RIMS2: variants seen among roughly 807,000 people sequenced by gnomAD.
RIMS2 encodes regulating synaptic membrane exocytosis 2.
RIMS2 carries 59 observed loss-of-function variants against 174.4 expected under a neutral mutation model. The ratio of observed to expected loss-of-function variants is 0.34; its 90% CI spans 0.27 to 0.42. The LOEUF is 0.42. Ranked by LOEUF, RIMS2 falls within the 10% of genes least tolerant of loss-of-function variation. The pLI is 1.00. For synonymous variants in RIMS2, 606 were observed against 572.5 expected, an observed-to-expected ratio of 1.06 and a Z score of -0.84; for missense variants, 1,620 against 1,666.3, an observed-to-expected ratio of 0.97 and a Z score of 0.48.
intron 1 of RIMS2, among the ~76,000 whole-genome samples, chr8:103,608,890 C>G (rs921819071): frequency 7.9e-5 from 12 of 152,236 alleles, no homozygotes; most frequent in African/African-American, 2.7e-4. Flanking sequence ...CGCCCACTGT[C>G]TGGCACTCCC....
chr8:103,882,068 G>A (rs936824348), intron 3 of RIMS2, among the ~76,000 whole-genome samples: 3 of 151,334 alleles, frequency 2.0e-5, no homozygotes, highest in Admixed American at 1.3e-4. Context: ...TAGACGAATC[G>A]TTCCTTTTCC....
intron 10 of RIMS2, among the ~76,000 whole-genome samples, chr8:103,922,529 T>A (rs1342130730): frequency 6.6e-6 from 1 of 151,852 alleles, no homozygotes. Flanking sequence ...ATTAGAAAAA[T>A]ACAGGTTAAT....
chr8:103,605,811 A>T (rs2095044197), intron 1 of RIMS2, among the ~76,000 whole-genome samples: 1 of 151,770 alleles, frequency 6.6e-6, no homozygotes, highest in Non-Finnish European at 1.5e-5. Context: ...GTATTCTCTG[A>T]TGGTAGTTTG....
chr8:104,201,673 G>A (rs992314959), intron 19 of RIMS2, among the ~76,000 whole-genome samples: 1 of 152,106 alleles, frequency 6.6e-6, no homozygotes, highest in African/African-American at 2.4e-5. Flanking sequence ...TGAGAAACAT[G>A]TTCACTTTTG....
At chr8:103,762,308 G>A (rs1275631377) in intron 2 of RIMS2, among the ~76,000 whole-genome samples, 1 of 151,930 alleles carries the variant, frequency 6.6e-6, no homozygotes, top group Non-Finnish European at 1.5e-5. Flanking sequence ...GTATTCTCAG[G>A]TTCTAGATGT....
At chr8:103,959,539 G>A (rs149837427) in intron 14 of RIMS2, among the ~76,000 whole-genome samples, 3 of 151,864 alleles carry the variant, frequency 2.0e-5, no homozygotes, top group African/African-American at 7.2e-5. Context: ...TAGTAGCTGG[G>A]ACTACAGGTG....
intron 2 of RIMS2, among the ~76,000 whole-genome samples, chr8:103,731,544 T>C (rs549724241): frequency 6.6e-6 from 1 of 152,328 alleles, no homozygotes; most frequent in South Asian, 2.1e-4. Flanking sequence ...TTTCTAACTC[T>C]CTATCTCCTC....
intron 3 of RIMS2, among the ~76,000 whole-genome samples, chr8:103,802,790 T>C (rs956045443): frequency 1.3e-5 from 2 of 152,184 alleles, no homozygotes; most frequent in East Asian, 3.8e-4. Flanking sequence ...TTGATCTTGT[T>C]TATTACTGAA....
intron 2 of RIMS2, among the ~76,000 whole-genome samples, chr8:103,730,314 G>A (rs1420160722): frequency 1.3e-5 from 2 of 151,682 alleles, no homozygotes; most frequent in African/African-American, 2.4e-5. Context: ...AATAATATTT[G>A]CCTTCTATTT....
chr8:103,513,994 G>A (rs553826696), intron 1 of RIMS2, among the ~76,000 whole-genome samples: 10 of 151,974 alleles, frequency 6.6e-5, no homozygotes, highest in East Asian at 1.9e-4. Context: ...TTTGTTTAAC[G>A]TATCAGTGTT....
intron 19 of RIMS2, 118 bp from the exon 26 acceptor site, chr8:104,244,798 A>G (rs2099321651): frequency 2.6e-6 from 2 of 760,794 alleles, no homozygotes; most frequent in Admixed American, 2.5e-5. Context: ...TGCCTCCTTA[A>G]CAAGAGCACT....
At chr8:103,578,750 C>T (rs1041202898) in intron 1 of RIMS2, among the ~76,000 whole-genome samples, 3 of 152,092 alleles carry the variant, frequency 2.0e-5, no homozygotes, top group East Asian at 3.9e-4. Context: ...TCCTGTAATC[C>T]CAGCACTTTG....
intron 4 of RIMS2, among the ~76,000 whole-genome samples, chr8:103,895,669 T>G (rs1193349644): frequency 6.6e-6 from 1 of 151,634 alleles, no homozygotes; most frequent in East Asian, 1.9e-4. Flanking sequence ...GTTTCCCTAT[T>G]TCTTTGAATG....
intron 1 of RIMS2, among the ~76,000 whole-genome samples, chr8:103,571,726 C>A (rs970731748): frequency 2.0e-5 from 3 of 152,072 alleles, no homozygotes; most frequent in Admixed American, 2.0e-4. Flanking sequence ...GAAATGTATT[C>A]GTTCATATAA....
At chr8:103,873,222 G>A (rs1401365351) in intron 3 of RIMS2, among the ~76,000 whole-genome samples, 1 of 152,104 alleles carries the variant, frequency 6.6e-6, no homozygotes, top group East Asian at 1.9e-4. Context: ...GGATAAGGAA[G>A]TGAGCATAAG....
chr8:104,203,826 C>T (rs2099067176), intron 19 of RIMS2, among the ~76,000 whole-genome samples: 1 of 152,084 alleles, frequency 6.6e-6, no homozygotes, highest in African/African-American at 2.4e-5. Context: ...CTTTTAATTA[C>T]ACTAAATAAA....
intron 1 of RIMS2, among the ~76,000 whole-genome samples, chr8:103,537,055 G>A (rs1840131079): frequency 6.6e-6 from 1 of 152,186 alleles, no homozygotes; most frequent in African/African-American, 2.4e-5. Flanking sequence ...GGGATACATA[G>A]ATGAAGAAGA....
At chr8:103,885,338 T>C (rs760675914) in exon 4 of RIMS2, 1 of 1,610,074 alleles carries the variant, frequency 6.2e-7, no homozygotes, top group South Asian at 1.1e-5. Flanking sequence ...GAATAGAAGA[T>C]ACGACCAAAG....
At chr8:103,802,453 G>T (rs2098617814) in intron 3 of RIMS2, among the ~76,000 whole-genome samples, 1 of 151,978 alleles carries the variant, frequency 6.6e-6, no homozygotes, top group Non-Finnish European at 1.5e-5. Flanking sequence ...TTCCCCTTTG[G>T]CTCTCCCAAT....
Sources: allele counts gnomAD v4.1 joint callset (sites outside exome capture counted in the v4.1 genomes callset), GRCh38; gene constraint gnomAD v4.1.1; transcripts MANE v1.5; gene names NCBI Gene and HGNC (gene_info 2026-07-23, HGNC 2026-07-21).